Variants in ENKUR observed in about 807,000 individuals in gnomAD.
ENKUR encodes the protein enkurin.
In ENKUR, 19 loss-of-function variants were observed where a neutral mutation model predicts 27.6. That is an observed-to-expected ratio of 0.69 (90% CI 0.48 to 1.01). The LOEUF (loss-of-function observed/expected upper bound fraction) is 1.01, where lower values mean the gene tolerates loss of function less well. Ranked by LOEUF, ENKUR falls within the 50% of genes least tolerant of loss-of-function variation. ENKUR has a pLI of 0.00. For missense variants in ENKUR, 312 were observed against 310.5 expected (o/e 1.00, Z -0.04); for synonymous variants, 117 against 96.9 (o/e 1.21, Z -1.22).
chr10:25,025,300 T>C, intron 2 of ENKUR: 1 of 1,614,234 alleles, frequency 6.2e-7, no homozygotes, highest in South Asian at 1.1e-5. Flanking sequence ...AAGTCAGCTC[T>C]ATTTGCTGGG....
chr10:25,043,254 T>C (rs1394686233), intron 2 of ENKUR, among the ~76,000 whole-genome samples: 1 of 152,234 alleles, frequency 6.6e-6, no homozygotes, highest in Non-Finnish European at 1.5e-5. Flanking sequence ...GAAAGTTTTC[T>C]ACTCTGGGAT....
At chr10:25,041,097 C>T (rs1035859839) in intron 2 of ENKUR, among the ~76,000 whole-genome samples, 1 of 152,096 alleles carries the variant, frequency 6.6e-6, no homozygotes, top group African/African-American at 2.4e-5. Context: ...CCTATGTGTA[C>T]ATTTTAGTCA....
At position 24,995,755 on chromosome 10, in the gene ENKUR, A is replaced by G. The variant is rs1588652780; in HGVS notation, c.338T>C (p.Ile113Thr). 1 of 1,614,012 alleles carries G rather than the reference A, an allele frequency of 6.2e-7. No homozygotes were observed. ...KNFINTNAAD[I>T]IMGVAKKPKP... Reference sequence around the variant, plus strand: ...AGGCTTTTTAGCCACTCCCATGATGATATCAGCTGCATTTGTATTTATAAA... The same window carrying G: ...AGGCTTTTTAGCCACTCCCATGATGGTATCAGCTGCATTTGTATTTATAAA... The change falls in exon 3 of 6, where the codon ATC becomes ACC. Residue 113 changes from isoleucine to threonine, a missense_variant. By Grantham distance (89) the Ile-to-Thr change is moderately conservative. Coordinates refer to ENST00000331161, the MANE Select transcript of ENKUR (RefSeq NM_145010.4).
At chr10:25,057,196 A>G (rs1400665663) in intron 2 of ENKUR, among the ~76,000 whole-genome samples, 3 of 152,338 alleles carry the variant, frequency 2.0e-5, no homozygotes, top group East Asian at 3.9e-4. Flanking sequence ...TATTTTTGCA[A>G]GATGGTATGC....
intron 1 of ENKUR, among the ~76,000 whole-genome samples, chr10:25,012,410 G>T (rs1264015488): frequency 6.6e-6 from 1 of 152,174 alleles, no homozygotes; most frequent in African/African-American, 2.4e-5. Context: ...ACCCAGAAAA[G>T]CTGCAGACAC....
At chr10:25,019,032 A>G (rs1392504392), upstream of ENKUR, among the ~76,000 whole-genome samples, 1 of 152,178 alleles carries the variant, frequency 6.6e-6, no homozygotes, top group East Asian at 1.9e-4. Context: ...GGCCCTCTGA[A>G]TGAAAAGTTT....
intron 1 of ENKUR, among the ~76,000 whole-genome samples, chr10:25,005,127 C>A (rs1479021442): frequency 6.6e-6 from 1 of 151,992 alleles, no homozygotes; most frequent in African/African-American, 2.4e-5. Context: ...TGTGTCTGTT[C>A]TTGTACCAGT....
At chr10:25,031,759 T>G (rs1338161315) in intron 2 of ENKUR, among the ~76,000 whole-genome samples, 1 of 151,944 alleles carries the variant, frequency 6.6e-6, no homozygotes, top group Non-Finnish European at 1.5e-5. Context: ...TCTTTTAAAT[T>G]TTTAAATTGC....
Position 25,033,103 on chromosome 10 carries a change from A to G in ENKUR, c.37+28009T>C, listed in dbSNP as rs545096151. The stretch of plus-strand genomic sequence containing the variant: ...TTCTAAGTTGGTTCATTAAACTTAA[A>G]TAGTTTTAGCAAAAACAAACAAAAA... On this transcript the variant is annotated intron_variant, in intron 2 of 5. Transcript: ENST00000615958. 2.0e-5 allele frequency among the ~76,000 whole-genome samples: 3 copies of G among 152,292 alleles called. No homozygotes were observed. In the South Asian group the frequency reaches 6.2e-4, roughly 32 times the overall value.
chr10:25,017,349 A>G (rs1283304567), upstream of ENKUR, among the ~76,000 whole-genome samples: 1 of 152,112 alleles, frequency 6.6e-6, no homozygotes, highest in African/African-American at 2.4e-5. Flanking sequence ...TTTAAAAGAC[A>G]TTTTGGTAAT....
At chr10:25,040,078 A>T (rs1397403926) in intron 2 of ENKUR, among the ~76,000 whole-genome samples, 1 of 151,684 alleles carries the variant, frequency 6.6e-6, no homozygotes, top group Non-Finnish European at 1.5e-5. Flanking sequence ...CTCTCTCCTC[A>T]CTTGGCTTCT....
At chr10:24,993,773 G>C (rs564446353) in intron 3 of ENKUR, among the ~76,000 whole-genome samples, 1 of 152,190 alleles carries the variant, frequency 6.6e-6, no homozygotes, top group Non-Finnish European at 1.5e-5. Flanking sequence ...CTGTTTCCAT[G>C]ATGGATACTC....
intron 2 of ENKUR, among the ~76,000 whole-genome samples, chr10:24,996,618 AG>A (rs1433901138): frequency 6.6e-6 from 1 of 152,234 alleles, no homozygotes; most frequent in Non-Finnish European, 1.5e-5. Context: ...TTTATTTTTA[AG>A]AACTGAAAGC....
At position 24,998,599 on chromosome 10, in the gene ENKUR, C is replaced by G. The variant is rs969109802; in HGVS notation, c.223+802G>C. Among the ~76,000 whole-genome samples the G allele has an allele frequency of 1.1e-4, 16 of 151,860 alleles. No homozygotes were observed. In the East Asian group the frequency reaches 2.9e-3, roughly 28 times the overall value. On this transcript the variant is annotated intron_variant, in intron 2 of 5. Coordinates refer to ENST00000331161, the MANE Select transcript of ENKUR (RefSeq NM_145010.4). ...GGTCTTGCTTTGTTGCCCAGGTGCT[C>G]TCTTTTCTTTATTGCCCTAAGACAT...
intron 2 of ENKUR, among the ~76,000 whole-genome samples, 175 bp from the exon 3 acceptor site, chr10:24,996,044 A>G (rs1039846237): frequency 1.3e-5 from 2 of 152,206 alleles, no homozygotes; most frequent in Non-Finnish European, 2.9e-5. Context: ...GTAGACATTA[A>G]ATATGCACAG....
In ENKUR at chr10:25,059,683, T is replaced by A. The variant is rs981322680; in HGVS notation, c.37+1429A>T. Among the ~76,000 whole-genome samples, 9 of 152,184 alleles carry A rather than the reference T, an allele frequency of 5.9e-5. No individual in the cohort carries two copies. The South Asian group carries it at 1.9e-3, about 32-fold the overall frequency. On this transcript the variant is annotated intron_variant, in intron 2 of 5. Transcript: ENST00000615958. ...TGAAATTACATTTTAGGGCCAGGCATGGTGGCTCACGCCTGTAAGCCTGGA... is the reference window on the plus strand; with the variant it reads ...TGAAATTACATTTTAGGGCCAGGCAAGGTGGCTCACGCCTGTAAGCCTGGA...
Position 24,995,725 on chromosome 10 carries a change from G to C in ENKUR, c.368C>G (p.Pro123Arg). ...IIMGVAKKPK[P>R]IYVDKRTGDK... ...TCCAGTTCTTTTATCAACATAAATT[G>C]GTTTAGGCTTTTTAGCCACTCCCAT... Residue 123 changes from proline (P) to arginine (R), a missense_variant, in exon 3 of 6, where the codon CCA becomes CGA. By Grantham distance (103) the Pro-to-Arg change is moderately radical. Transcript: ENST00000331161. 1 of 1,613,868 alleles carries C rather than the reference G, an allele frequency of 6.2e-7. No individual in the cohort carries two copies. Among genetic ancestry groups the C allele is most frequent in the Non-Finnish European group, 8.5e-7 (1 of 1,179,946 alleles).
chr10:25,024,674 C>T (rs1292333977), intron 2 of ENKUR: 1 of 1,614,234 alleles, frequency 6.2e-7, no homozygotes, highest in African/African-American at 1.3e-5. Flanking sequence ...GTTTATCATG[C>T]TTCCGCATAT....
intron 2 of ENKUR, among the ~76,000 whole-genome samples, chr10:24,998,379 CTCTT>C (rs1423765128): frequency 1.6e-5 from 2 of 122,860 alleles, no homozygotes; most frequent in African/African-American, 3.6e-5. Context: ...CTCTCTCTCT[CTCTT>C]TCTTTTTTTG....
Sources: gnomAD v4.1 joint callset for allele counts (sites outside exome capture counted in the v4.1 genomes callset) on GRCh38, gnomAD v4.1.1 for gene constraint, MANE v1.5 for transcripts, NCBI Gene and HGNC (gene_info 2026-07-23, HGNC 2026-07-21) for gene names.